The following DROSHA variants were observed in gnomAD, a reference collection of about 807,000 sequenced individuals.
DROSHA encodes drosha ribonuclease III, also known as ribonuclease 3.
A neutral mutation model predicts 181.9 loss-of-function variants in DROSHA; 56 were observed. The ratio of observed to expected loss-of-function variants is 0.31; its 90% CI spans 0.25 to 0.38. The LOEUF (loss-of-function observed/expected upper bound fraction) is 0.38, where lower values mean the gene tolerates loss of function less well. Ranked by LOEUF, DROSHA falls within the 10% of genes least tolerant of loss-of-function variation. The pLI is 1.00. For missense variants in DROSHA, 1,218 were observed against 1,743.5 expected (o/e 0.70, Z 5.37); for synonymous variants, 524 against 591.2 (o/e 0.89, Z 1.65).
chr5:31,410,727 A>G lies in DROSHA; in HGVS notation c.3667+19T>C, dbSNP rs757801640. The G allele has an allele frequency of 1.9e-6, 3 of 1,608,164 alleles. No homozygotes were observed. Among genetic ancestry groups the G allele is most frequent in the Admixed American group, 3.4e-5 (2 of 58,992 alleles). ...AAACTCTGAACCTGGAGGTTGAGAG[A>G]AAAGTGTGTGGCACTCACATTCCAA... On this transcript the variant is annotated intron_variant, in intron 31 of 35. Transcript: ENST00000344624.
chr5:31,428,721 A>T (rs1338134022), intron 27 of DROSHA, among the ~76,000 whole-genome samples: 3 of 152,228 alleles, frequency 2.0e-5, no homozygotes, highest in African/African-American at 7.2e-5. Context: ...AGAGGCTTAA[A>T]ACTGGCTTCC....
intron 35 of DROSHA, among the ~76,000 whole-genome samples, chr5:31,404,157 T>C (rs1340872014): frequency 1.3e-5 from 2 of 152,058 alleles, no homozygotes; most frequent in Non-Finnish European, 2.9e-5. Flanking sequence ...AAGGAACTGC[T>C]ACATACTGCC....
intron 22 of DROSHA, among the ~76,000 whole-genome samples, chr5:31,448,906 A>C (rs184392300): frequency 3.3e-5 from 5 of 152,102 alleles, no homozygotes; most frequent in African/African-American, 1.2e-4. Context: ...GCAGAGGCGG[A>C]TAGATCACTT....
chr5:31,410,121 C>T (rs1741129494), intron 31 of DROSHA, among the ~76,000 whole-genome samples: 1 of 151,986 alleles, frequency 6.6e-6, no homozygotes, highest in Admixed American at 6.5e-5. Context: ...GCATGGTAGA[C>T]TTTGATACTT....
chr5:31,438,103 T>G (rs1745112803), intron 23 of DROSHA, among the ~76,000 whole-genome samples: 1 of 152,232 alleles, frequency 6.6e-6, no homozygotes, highest in African/African-American at 2.4e-5. Context: ...TATTTTCTCA[T>G]GTTCACATAC....
rs113155387 is a variant in DROSHA at position 31,422,743 on chromosome 5, A to G, written c.3419+44T>C. On this transcript the variant is annotated intron_variant, in intron 29 of 35. Transcript: ENST00000344624. ...TGCTCCAAAGGTCTGGGACTGCCTC[A>G]TCTAAATGGTCACATTGGGACTACA... 125 of 1,608,894 alleles carry G rather than the reference A, an allele frequency of 7.8e-5. No individual in the cohort carries two copies. The African/African-American group carries it at 1.4e-3, about 17-fold the overall frequency.
chr5:31,452,811 C>G (rs568958811), intron 20 of DROSHA, among the ~76,000 whole-genome samples: 1 of 152,142 alleles, frequency 6.6e-6, no homozygotes, highest in East Asian at 1.9e-4. Flanking sequence ...TAAGGCCTTA[C>G]AATATGTGTG....
intron 30 of DROSHA, among the ~76,000 whole-genome samples, chr5:31,412,680 C>A (rs1399683636): frequency 2.0e-5 from 3 of 152,160 alleles, no homozygotes; most frequent in South Asian, 2.1e-4. Flanking sequence ...CCTGTCTCCC[C>A]CTTAGTCCCA....
At position 31,410,775 on chromosome 5, in the gene DROSHA, C is replaced by T. The variant is rs899896220; in HGVS notation, c.3638G>A (p.Arg1213His). Residue 1213 changes from arginine (R) to histidine (H), a missense_variant, in exon 31 of 36, where the codon CGC (arginine) becomes CAC (histidine). This residue lies in a region of DROSHA where 47 missense variants were observed against 70.6 expected (regional missense o/e 0.67). Coordinates refer to ENST00000344624, the MANE Select transcript of DROSHA (RefSeq NM_001382508.1). Reference sequence around the variant, plus strand: ...CAAAAGGTCCGCCAAGGTCTTGGTGCGAAGCGCCACAGGCCTCTTGGTCTT... The same window carrying T: ...CAAAAGGTCCGCCAAGGTCTTGGTGTGAAGCGCCACAGGCCTCTTGGTCTT... Reference protein sequence around the residue: ...NDKTKRPVALRTKTLADLLES... With the variant: ...NDKTKRPVALHTKTLADLLES... 2.5e-6 allele frequency: 4 copies of T among 1,613,786 alleles called. No individual in the cohort carries two copies. The highest frequency in any genetic ancestry group is 1.7e-5 in the Admixed American group (1 of 60,008).
At chr5:31,453,742 C>A (rs573156) in intron 20 of DROSHA, among the ~76,000 whole-genome samples, 105,921 of 151,884 alleles carry the variant, frequency 0.7, 37,316 homozygotes, top group African/African-American at 0.75. Flanking sequence ...TTCCAAATAA[C>A]CCTTTCGTGA....
In DROSHA at chr5:31,464,801, T is replaced by G. The variant is rs1234078617; in HGVS notation, c.2467-458A>C. Among the ~76,000 whole-genome samples the G allele has an allele frequency of 2.0e-5, 3 of 152,128 alleles. No individual in the cohort carries two copies. In the East Asian group the frequency reaches 5.8e-4, roughly 29 times the overall value. ...AAAAACTCTTGCTACAATGGCATAC[T>G]TTATATAAAAAAAGACTATGATCCA... On this transcript the variant is annotated intron_variant, in intron 19 of 35. Transcript: ENST00000344624.
At chr5:31,513,166 A>G (rs1412338565) in intron 8 of DROSHA, among the ~76,000 whole-genome samples, 3 of 152,218 alleles carry the variant, frequency 2.0e-5, no homozygotes, top group Admixed American at 6.5e-5. Flanking sequence ...CGGGCAAGAC[A>G]CTAGAAGAAT....
chr5:31,487,912 C>T (rs950232701), intron 13 of DROSHA, among the ~76,000 whole-genome samples: 1 of 152,070 alleles, frequency 6.6e-6, no homozygotes, highest in African/African-American at 2.4e-5. Context: ...CTATTCTTTG[C>T]TAACAACTAT....
At position 31,470,224 on chromosome 5, in the gene DROSHA, A is replaced by T. The variant is rs1262150696; in HGVS notation, c.2241+1839T>A. 6.6e-6 allele frequency among the ~76,000 whole-genome samples: 1 copy of T among 152,216 alleles called. No homozygotes were observed. The highest frequency in any genetic ancestry group is 1.5e-5 in the Non-Finnish European group (1 of 68,026). On this transcript the variant is annotated intron_variant, in intron 17 of 35. Transcript: ENST00000344624. The surrounding 1 kb of genome is among the most constrained non-coding windows in gnomAD (Gnocchi z 4.0). ...TGGCTTTACAGCATCTCAAGGATGC[A>T]CAGTTAATCATGCCAATAATTTCTA... is the stretch of plus-strand genomic sequence containing the variant.
At position 31,445,432 on chromosome 5, in the gene DROSHA, A is replaced by G. The variant is rs149324702; in HGVS notation, c.2882+3115T>C. On this transcript the variant is annotated intron_variant, in intron 23 of 35. Coordinates refer to ENST00000344624, the MANE Select transcript of DROSHA (RefSeq NM_001382508.1). Reference sequence around the variant, plus strand: ...AATTCAATAAGAAAAGCTAACGTACAAAACTTTCCAACTCGTTATATGAGG... The same window carrying G: ...AATTCAATAAGAAAAGCTAACGTACGAAACTTTCCAACTCGTTATATGAGG... Among the ~76,000 whole-genome samples the G allele has an allele frequency of 2.6e-4, 40 of 152,362 alleles. No individual in the cohort carries two copies. The East Asian group carries it at 7.5e-3, about 29-fold the overall frequency.
intron 22 of DROSHA, 105 bp downstream of exon 22, chr5:31,449,176 C>T (rs931938159): frequency 2.2e-5 from 31 of 1,403,940 alleles, no homozygotes; most frequent in African/African-American, 1.0e-4. Context: ...GAATATGAGA[C>T]GGTGAAAGAG....
chr5:31,435,861 G>T lies in DROSHA; in HGVS notation c.2946C>A (p.Val982=). 3 of 1,606,866 alleles carry T rather than the reference G, an allele frequency of 1.9e-6. No individual in the cohort carries two copies. The highest frequency in any genetic ancestry group is 2.5e-6 in the Non-Finnish European group (3 of 1,177,740). ...GACTAGGAAACAAATAGTACAAATG[G>T]ACGCTACAAAAAAAAAAAGAAGTAC... ...GDAVVEFLTS[V]HLYYLFPSLE... The change falls in exon 25 of 36, where the codon GTC becomes GTA. Residue 982 remains valine, a synonymous_variant. Transcript: ENST00000344624.
In DROSHA at chr5:31,488,560, C is replaced by T. The variant is rs572461337; in HGVS notation, c.1843-1998G>A. On this transcript the variant is annotated intron_variant, in intron 13 of 35. Transcript: ENST00000344624. ...TAATTTCACAGTTCAGATAGAAGTGCGTGGAGAGAGAGAGATGCCAGATGA... is the reference window on the plus strand; with the variant it reads ...TAATTTCACAGTTCAGATAGAAGTGTGTGGAGAGAGAGAGATGCCAGATGA... 5.3e-5 allele frequency among the ~76,000 whole-genome samples: 8 copies of T among 151,928 alleles called. No individual in the cohort carries two copies. In the South Asian group the frequency reaches 6.3e-4, roughly 12 times the overall value.
At chr5:31,450,205 C>T (rs1257758659) in intron 21 of DROSHA, among the ~76,000 whole-genome samples, 1 of 152,102 alleles carries the variant, frequency 6.6e-6, no homozygotes, top group South Asian at 2.1e-4. Flanking sequence ...AAAGGGAAGG[C>T]TTATAATACA....
Sources: gnomAD v4.1 joint callset for allele counts (sites outside exome capture counted in the v4.1 genomes callset) on GRCh38, gnomAD v4.1.1 for gene constraint, gnomAD v4.1.1 regional missense constraint, Gnocchi (gnomAD v3.1) non-coding constraint, MANE v1.5 for transcripts, NCBI Gene and HGNC (gene_info 2026-07-23, HGNC 2026-07-21) for gene names.